The following CDYL variants were observed in gnomAD, a reference collection of about 807,000 sequenced individuals.
CDYL encodes chromodomain Y like, also known as chromodomain Y-like protein.
Under a neutral mutation model 47.3 loss-of-function variants are expected in CDYL, and 8 were observed. The observed-to-expected ratio is 0.17, with a 90% CI of 0.10 to 0.31. The LOEUF (loss-of-function observed/expected upper bound fraction) is 0.31. Ranked by LOEUF, CDYL falls within the 10% of genes least tolerant of loss-of-function variation. The pLI is 1.00. For synonymous variants in CDYL, 266 were observed against 265.0 expected (o/e 1.00, Z -0.04); for missense variants, 471 against 701.4 (o/e 0.67, Z 3.71).
At chr6:4,732,724 A>T (rs1757629685) in intron 2 of CDYL, among the ~76,000 whole-genome samples, 1 of 152,052 alleles carries the variant, frequency 6.6e-6, no homozygotes, top group Non-Finnish European at 1.5e-5. Context: ...TTTGAGGGGA[A>T]AAAAGGTAAT....
Position 4,898,443 on chromosome 6 carries a change from G to A in CDYL, c.691+6064G>A, listed in dbSNP as rs552036363. Among the ~76,000 whole-genome samples, 28 of 152,344 alleles carry A rather than the reference G, an allele frequency of 1.8e-4. No homozygotes were observed. In the Middle Eastern group the frequency reaches 0.01, roughly 56 times the overall value. On this transcript the variant is annotated intron_variant, in intron 2 of 6. Transcript: ENST00000397588. ...GACATGTCCTGTATAGTGGGTCCATGCTAGAGGCTTCCACATGTGTTATCT... is the reference window on the plus strand; with the variant it reads ...GACATGTCCTGTATAGTGGGTCCATACTAGAGGCTTCCACATGTGTTATCT...
chr6:4,754,679 G>A (rs1320220025), intron 3 of CDYL, among the ~76,000 whole-genome samples: 3 of 152,100 alleles, frequency 2.0e-5, no homozygotes, highest in Non-Finnish European at 2.9e-5. Context: ...TTATAATCTA[G>A]CACTGCTCTG....
intron 1 of CDYL, among the ~76,000 whole-genome samples, chr6:4,852,409 C>T (rs1340905308): frequency 7.2e-6 from 1 of 139,586 alleles, no homozygotes; most frequent in Non-Finnish European, 1.5e-5. Flanking sequence ...TCCTTCCTTC[C>T]TTCCAATCTT....
chr6:4,894,693 A>C (rs1762144892), intron 2 of CDYL, among the ~76,000 whole-genome samples: 1 of 151,992 alleles, frequency 6.6e-6, no homozygotes, highest in Admixed American at 6.5e-5. Context: ...CAAGTGATCC[A>C]CCTGCCTTGG....
intron 2 of CDYL, among the ~76,000 whole-genome samples, chr6:4,913,986 G>A (rs1757485008): frequency 6.6e-6 from 1 of 152,218 alleles, no homozygotes. Context: ...ATGTATGCCT[G>A]AGTCATAGAG....
rs527926198 is a variant in CDYL at position 4,814,364 on chromosome 6, A to G, written c.24+37557A>G. Among the ~76,000 whole-genome samples, 6 of 152,334 alleles carry G rather than the reference A, an allele frequency of 3.9e-5. No individual in the cohort carries two copies. In the South Asian group the frequency reaches 1.0e-3, roughly 26 times the overall value. ...TAAGTAATTGACTTGAACCTATTAGAAAGTGAAACTGAACAGGTATTTTAC... is the reference window on the plus strand; with the variant it reads ...TAAGTAATTGACTTGAACCTATTAGGAAGTGAAACTGAACAGGTATTTTAC... On this transcript the variant is annotated intron_variant, in intron 1 of 6. Coordinates refer to ENST00000397588, the MANE Select transcript of CDYL (RefSeq NM_004824.4).
At chr6:4,951,178 C>G (rs1246405191) in intron 5 of CDYL, among the ~76,000 whole-genome samples, 2 of 152,126 alleles carry the variant, frequency 1.3e-5, no homozygotes, top group Non-Finnish European at 2.9e-5. Flanking sequence ...GTGATTTTGC[C>G]TCTTTTGGAA....
At chr6:4,938,834 A>T (rs111821645) in intron 4 of CDYL, among the ~76,000 whole-genome samples, 2 of 152,346 alleles carry the variant, frequency 1.3e-5, no homozygotes, top group African/African-American at 4.8e-5. Context: ...ATGATAACAT[A>T]TATCAGCAAA....
chr6:4,897,790 G>GTTTTTTTTTTT (rs375666284), intron 2 of CDYL, among the ~76,000 whole-genome samples: 32 of 140,250 alleles, frequency 2.3e-4, no homozygotes, highest in African/African-American at 4.7e-4. Context: ...GAAGGTTTTT[G>GTTTTTTTTTTT]TTTTTTTTTT....
intron 2 of CDYL, among the ~76,000 whole-genome samples, chr6:4,894,600 C>T (rs1762141811): frequency 6.6e-6 from 1 of 152,178 alleles, no homozygotes; most frequent in South Asian, 2.1e-4. Flanking sequence ...TTTACTTCCA[C>T]CACCAATCCC....
At chr6:4,748,782 G>T (rs1757939821) in intron 3 of CDYL, among the ~76,000 whole-genome samples, 1 of 152,084 alleles carries the variant, frequency 6.6e-6, no homozygotes, top group South Asian at 2.1e-4. Flanking sequence ...TGTGCAAAAA[G>T]CCAAGAAGTA....
Position 4,716,503 on chromosome 6 carries a change from G to A in CDYL, c.103+622G>A, listed in dbSNP as rs1276708313. Among the ~76,000 whole-genome samples the A allele has an allele frequency of 4.0e-5, 6 of 151,200 alleles. No individual in the cohort carries two copies. In the East Asian group the frequency reaches 7.7e-4, roughly 20 times the overall value. On this transcript the variant is annotated intron_variant, in intron 2 of 8. Coordinates refer to the CDYL transcript ENST00000328908. The stretch of plus-strand genomic sequence containing the variant: ...GTAACTTTTAATGACCTGAGACATC[G>A]TTGGCTTCCTTTCCTTTTCCACTTC...
At chr6:4,880,181 C>G (rs1428671100) in intron 1 of CDYL, among the ~76,000 whole-genome samples, 1 of 152,102 alleles carries the variant, frequency 6.6e-6, no homozygotes, top group Non-Finnish European at 1.5e-5. Context: ...TGTGCTCTGC[C>G]TTTATGTTTC....
At chr6:4,880,652 A>G (rs1467006695) in intron 1 of CDYL, among the ~76,000 whole-genome samples, 1 of 152,210 alleles carries the variant, frequency 6.6e-6, no homozygotes, top group African/African-American at 2.4e-5. Context: ...TTTCCATCCA[A>G]CAGGGAGTGG....
chr6:4,935,871 C>A, intron 3 of CDYL, 100 bp downstream of exon 3: 1 of 1,543,196 alleles, frequency 6.5e-7, no homozygotes, highest in Non-Finnish European at 8.7e-7. Flanking sequence ...CTTTCTAAAC[C>A]TCCTTTTGGG....
chr6:4,952,938 T>C (rs113998043), intron 6 of CDYL, among the ~76,000 whole-genome samples: 2,706 of 152,066 alleles, frequency 0.018, 34 homozygotes, highest in South Asian at 0.031. Context: ...TGGGTTATTT[T>C]TGTATTTTCA....
chr6:4,776,148 G>A (rs935966902), upstream of CDYL, among the ~76,000 whole-genome samples: 1 of 71,636 alleles, frequency 1.4e-5, no homozygotes. Flanking sequence ...TCGGAGCCCC[G>A]CCCACCACCC....
At chr6:4,865,518 G>A (rs575167829) in intron 1 of CDYL, among the ~76,000 whole-genome samples, 7 of 152,282 alleles carry the variant, frequency 4.6e-5, no homozygotes, top group Admixed American at 1.3e-4. Flanking sequence ...ATTTATGTTC[G>A]AGTGCTGTTT....
intron 1 of CDYL, among the ~76,000 whole-genome samples, chr6:4,877,934 T>C (rs1761663041): frequency 6.6e-6 from 1 of 152,180 alleles, no homozygotes; most frequent in African/African-American, 2.4e-5. Flanking sequence ...TTTATATTAA[T>C]ATTTGCTCTT....
Sources: gnomAD v4.1 joint callset for allele counts (sites outside exome capture counted in the v4.1 genomes callset) on GRCh38, gnomAD v4.1.1 for gene constraint, MANE v1.5 for transcripts, NCBI Gene and HGNC (gene_info 2026-07-23, HGNC 2026-07-21) for gene names.